Variants in NBEAL1 observed in about 807,000 individuals in gnomAD.
The protein encoded by NBEAL1 is neurobeachin-like protein 1.
Under a neutral mutation model 351.3 loss-of-function variants are expected in NBEAL1, and 273 were observed. The ratio of observed to expected loss-of-function variants is 0.78; its 90% CI spans 0.70 to 0.86. The LOEUF (loss-of-function observed/expected upper bound fraction) is 0.86. Among genes scored for constraint, NBEAL1 ranks in the 40% least tolerant of loss-of-function variants. The pLI, the probability that NBEAL1 is intolerant of heterozygous loss-of-function variation, is 0.00. For synonymous variants in NBEAL1, 1,050 were observed against 1,086.4 expected, an observed-to-expected ratio of 0.97 and a Z score of 0.66; for missense variants, 2,961 against 3,201.3, an observed-to-expected ratio of 0.92 and a Z score of 1.81.
In NBEAL1 at chr2:203,219,706, T is replaced by C. The variant is rs1250820366; in HGVS notation, c.*2352T>C. ...CTTTCTCTACTAAAAATACAAAAAT[T>C]AGCCGGGCATGGTGGCACATGCCTA... On this transcript the variant is annotated 3_prime_UTR_variant, in exon 56 of 56. Coordinates refer to ENST00000683969, the MANE Select transcript of NBEAL1 (RefSeq NM_001378026.1). 1 of 151,714 alleles carries C rather than the reference T, an allele frequency of 6.6e-6. No homozygotes were observed. 9.4% of individuals were successfully genotyped at this position (151,714 alleles called of 1,614,324 possible). A position where few individuals can be genotyped will look rare whatever the true frequency, so the allele number is the denominator to read the frequency against.
intron 11 of NBEAL1, among the ~76,000 whole-genome samples, chr2:203,099,347 C>G (rs187857754): frequency 6.5e-4 from 99 of 151,178 alleles, no homozygotes; most frequent in Non-Finnish European, 1.3e-3. Context: ...TTGAGATTGT[C>G]CATTATTTTT....
At chr2:203,046,406 A>G (rs927664145) in intron 3 of NBEAL1, among the ~76,000 whole-genome samples, 1 of 151,972 alleles carries the variant, frequency 6.6e-6, no homozygotes, top group Non-Finnish European at 1.5e-5. Context: ...TTTAGTAGAC[A>G]TGGGGTTTCA....
At chr2:203,172,580 G>T (rs374584736) in intron 40 of NBEAL1, 149 bp from the exon 41 acceptor site, 1 of 593,770 alleles carries the variant, frequency 1.7e-6, no homozygotes. Flanking sequence ...TCTGGTTATT[G>T]AACTAAAGAT....
chr2:203,115,909 A>G (rs1287063914), intron 17 of NBEAL1, 76 bp from the exon 18 acceptor site: 5 of 962,218 alleles, frequency 5.2e-6, no homozygotes, highest in Non-Finnish European at 7.7e-6. Context: ...TTAATTTTAA[A>G]TTTTATTCTG....
intron 36 of NBEAL1, among the ~76,000 whole-genome samples, chr2:203,158,071 C>T (rs547125369): frequency 1.3e-5 from 2 of 152,012 alleles, no homozygotes; most frequent in African/African-American, 2.4e-5. Context: ...AGCAGTACAT[C>T]GAATTTGTGA....
chr2:203,214,836 C>A (rs971705989), intron 55 of NBEAL1, among the ~76,000 whole-genome samples: 5 of 152,142 alleles, frequency 3.3e-5, no homozygotes, highest in Non-Finnish European at 7.4e-5. Context: ...ATTTCAAGAT[C>A]TATTTTTATC....
intron 12 of NBEAL1, among the ~76,000 whole-genome samples, chr2:203,104,427 G>C (rs974822413): frequency 2.6e-5 from 4 of 152,052 alleles, no homozygotes; most frequent in South Asian, 4.1e-4. Context: ...TAAGCCTATG[G>C]GTGTCACTGC....
chr2:203,162,771 A>G (rs975146977), intron 36 of NBEAL1, among the ~76,000 whole-genome samples: 1 of 152,246 alleles, frequency 6.6e-6, no homozygotes, highest in South Asian at 2.1e-4. Flanking sequence ...TAGGACTTCA[A>G]TACTGTAGCA....
Position 203,077,787 on chromosome 2 carries a change from C to G in NBEAL1, c.634C>G (p.Leu212Val), listed in dbSNP as rs531514077. Residue 212 changes from leucine (L) to valine (V), a missense_variant, in exon 8 of 56, where the codon CTT becomes GTT. Physicochemically the swap from Leu to Val is conservative, Grantham distance 32. Coordinates refer to ENST00000683969, the MANE Select transcript of NBEAL1 (RefSeq NM_001378026.1). Reference protein sequence around the residue: ...FQESEHLKESLKCCLLHLFGA... With the variant: ...FQESEHLKESVKCCLLHLFGA... Reference sequence around the variant, plus strand: ...GGAAAGTGAACATCTCAAGGAAAGTCTTAAATGTTGCTTATTGCATCTCTT... The same window carrying G: ...GGAAAGTGAACATCTCAAGGAAAGTGTTAAATGTTGCTTATTGCATCTCTT... The G allele has an allele frequency of 1.9e-5, 28 of 1,470,854 alleles. No individual in the cohort carries two copies. In the African/African-American group the frequency reaches 3.1e-4, roughly 16 times the overall value. 91.1% of individuals were successfully genotyped at this position (1,470,854 alleles called of 1,614,324 possible).
chr2:203,215,275 C>T (rs1448519972), intron 55 of NBEAL1, among the ~76,000 whole-genome samples: 3 of 151,954 alleles, frequency 2.0e-5, no homozygotes, highest in Admixed American at 1.3e-4. Flanking sequence ...CCGAGGTGGG[C>T]GGATCACGAG....
intron 41 of NBEAL1, among the ~76,000 whole-genome samples, chr2:203,173,309 TAAGAAG>T (rs751310033): frequency 6.6e-6 from 1 of 152,142 alleles, no homozygotes; most frequent in Admixed American, 6.5e-5. Flanking sequence ...GTCATTTTGA[TAAGAAG>T]AAGAAGATTT....
chr2:203,126,021 G>A lies in NBEAL1; in HGVS notation c.2913G>A (p.Gln971=). 1.3e-6 allele frequency: 2 copies of A among 1,544,740 alleles called. No homozygotes were observed. Among genetic ancestry groups the A allele is most frequent in the Non-Finnish European group, 1.7e-6 (2 of 1,144,122 alleles). Reference sequence around the variant, plus strand: ...TCTTAATTGTGAAACATTTTATTCAGAGACATCCTATCAACCAGGGCAATC... The same window carrying A: ...TCTTAATTGTGAAACATTTTATTCAAAGACATCCTATCAACCAGGGCAATC... ...TFILIVKHFI[Q]RHPINQGNLI... is the part of the protein sequence containing the mutation. Residue 971 remains glutamine (Q), a synonymous_variant, in exon 21 of 56, where the codon CAG becomes CAA. Transcript: ENST00000683969.
chr2:203,175,097 T>C, intron 41 of NBEAL1, 50 bp from the exon 42 acceptor site: 2 of 1,473,100 alleles, frequency 1.4e-6, no homozygotes, highest in Non-Finnish European at 1.9e-6. Context: ...TATGCCCCCT[T>C]ATGTACTTTA....
At chr2:203,031,261 A>G (rs2060944910) in intron 2 of NBEAL1, among the ~76,000 whole-genome samples, 1 of 152,176 alleles carries the variant, frequency 6.6e-6, no homozygotes, top group Non-Finnish European at 1.5e-5. Context: ...ATTTGAGAGT[A>G]TCTCTCATTT....
chr2:203,115,958 G>T, intron 17 of NBEAL1, 27 bp from the exon 18 acceptor site: 1 of 1,415,758 alleles, frequency 7.1e-7, no homozygotes, highest in Non-Finnish European at 9.8e-7. Flanking sequence ...ATTCAATGGT[G>T]TGTATGTGTG....
chr2:203,180,933 A>ATTTTTTTTGTTTTTTTTTT (rs2064695560), intron 43 of NBEAL1: 1 of 61,698 alleles, frequency 1.6e-5, no homozygotes, highest in African/African-American at 5.4e-5. Context: ...CAGCCAGTCA[A>ATTTTTTTTGTTTTTTTTTT]TTTTTTTTTT....
At chr2:203,055,418 CA>C (rs1417095999) in intron 4 of NBEAL1, among the ~76,000 whole-genome samples, 1 of 151,940 alleles carries the variant, frequency 6.6e-6, no homozygotes, top group African/African-American at 2.4e-5. Context: ...GCCTGGGCAA[CA>C]AAGTGAGACC....
chr2:203,170,602 C>T (rs575002435), intron 39 of NBEAL1, among the ~76,000 whole-genome samples: 6 of 152,276 alleles, frequency 3.9e-5, no homozygotes, highest in Admixed American at 2.0e-4. Flanking sequence ...CAGGACTGTT[C>T]GTAGTCTCTT....
intron 4 of NBEAL1, among the ~76,000 whole-genome samples, chr2:203,051,049 G>A (rs1400554477): frequency 6.6e-6 from 1 of 152,098 alleles, no homozygotes; most frequent in Non-Finnish European, 1.5e-5. Context: ...TTAATTAGTG[G>A]ATGAATAGGG....
Sources: gnomAD v4.1 joint callset for allele counts (sites outside exome capture counted in the v4.1 genomes callset) on GRCh38, gnomAD v4.1.1 for gene constraint, MANE v1.5 for transcripts, NCBI Gene and HGNC (gene_info 2026-07-23, HGNC 2026-07-21) for gene names.